The following FAM199X variants were observed in gnomAD, a reference collection of about 807,000 sequenced individuals.
FAM199X encodes the protein protein FAM199X.
A neutral mutation model predicts 22.9 loss-of-function variants in FAM199X; 4 were observed. That is an observed-to-expected ratio of 0.17 (90% CI 0.09 to 0.40). The LOEUF is 0.40. FAM199X is among the 10% of genes least tolerant of loss of function. The probability of loss-of-function intolerance (pLI) is 1.00; values close to 1 mark genes in which losing one functional copy is unlikely to be tolerated. For synonymous variants in FAM199X, 101 were observed against 112.3 expected, an observed-to-expected ratio of 0.90 and a Z score of 0.64; for missense variants, 183 against 306.8, an observed-to-expected ratio of 0.60 and a Z score of 3.01.
In FAM199X at chrX:104,166,514, G is replaced by T. The variant is rs1270767857; in HGVS notation, c.-272G>T. On this transcript the variant is annotated 5_prime_UTR_variant, in exon 1 of 6. Transcript: ENST00000493442. ...TGGCCGGGCCGGGCGGCGGCGCTGC[G>T]CTGACGGGCTGAGTCTGGCGGCGGC... 9.8e-6 allele frequency: 2 copies of T among 205,102 alleles called. No individual in the cohort carries two copies. Among genetic ancestry groups the T allele is most frequent in the Non-Finnish European group, 1.8e-5 (2 of 112,294 alleles). 16.9% of individuals were successfully genotyped at this position (205,102 alleles called of 1,213,427 possible).
intron 1 of FAM199X, among the ~76,000 whole-genome samples, chrX:104,171,237 T>C (rs1921344928): frequency 1.8e-5 from 2 of 111,456 alleles, no homozygotes; most frequent in African/African-American, 6.5e-5. Context: ...CTGAAACACC[T>C]TGCAGAGAAA....
In FAM199X at chrX:104,194,597, T is replaced by C. The variant is rs1388230507; in HGVS notation, c.*4819T>C. 2.7e-5 allele frequency: 3 copies of C among 112,075 alleles called. No homozygotes were observed. Among genetic ancestry groups the C allele is most frequent in the African/African-American group, 9.7e-5 (3 of 30,942 alleles). The allele number at this position is 112,075 out of a possible 1,213,427, so 9.2% of individuals were successfully genotyped here. On this transcript the variant is annotated 3_prime_UTR_variant, in exon 6 of 6. Transcript: ENST00000493442. ...AATGTCTGTTCCTGTAGTGGATCCA[T>C]TTAATTTCCTATTTGAGTACTCTCA...
At chrX:104,174,747 A>G (rs1297468291) in intron 1 of FAM199X, among the ~76,000 whole-genome samples, 1 of 111,994 alleles carries the variant, frequency 8.9e-6, no homozygotes, top group Non-Finnish European at 1.9e-5. Context: ...ACTAAAATAT[A>G]TATACACAGA....
At chrX:104,184,217 G>A (rs1921737525) in intron 2 of FAM199X, among the ~76,000 whole-genome samples, 1 of 112,281 alleles carries the variant, frequency 8.9e-6, no homozygotes, top group African/African-American at 3.2e-5. Context: ...CTATTATACT[G>A]CTGTGTACAA....
At chrX:104,164,875 G>C (rs1054956052), upstream of FAM199X, among the ~76,000 whole-genome samples, 1 of 111,336 alleles carries the variant, frequency 9.0e-6, no homozygotes, top group Non-Finnish European at 1.9e-5. Flanking sequence ...GCAAGACTCT[G>C]TCTCAAAAAA....
upstream of FAM199X, among the ~76,000 whole-genome samples, chrX:104,163,095 TAC>T (rs35140355): frequency 0.057 from 5,426 of 95,195 alleles, 168 homozygotes; most frequent in African/African-American, 0.086. Flanking sequence ...CTCAGCTAAA[TAC>T]ACACACACAC....
intron 1 of FAM199X, among the ~76,000 whole-genome samples, chrX:104,174,470 A>G (rs1248301203): frequency 1.8e-5 from 2 of 111,431 alleles, no homozygotes; most frequent in Non-Finnish European, 3.8e-5. Context: ...ATCCTTAGAA[A>G]TGTTCATATT....
Position 104,194,708 on chromosome X carries a change from C to G in FAM199X, c.*4930C>G, listed in dbSNP as rs1339450362. On this transcript the variant is annotated 3_prime_UTR_variant, in exon 6 of 6. Coordinates refer to ENST00000493442, the MANE Select transcript of FAM199X (RefSeq NM_207318.4). ...GCTATTAATGGTAAACAAGTATATGCAAAACAATTCACATATGGGTAAAAA... is the reference window on the plus strand; with the variant it reads ...GCTATTAATGGTAAACAAGTATATGGAAAACAATTCACATATGGGTAAAAA... The G allele has an allele frequency of 3.6e-5, 4 of 111,915 alleles. No homozygotes were observed. The highest frequency in any genetic ancestry group is 1.3e-4 in the African/African-American group (4 of 30,898). The allele number at this position is 111,915 out of a possible 1,213,427, so 9.2% of individuals were successfully genotyped here.
At chrX:104,167,707 GACTT>G in intron 1 of FAM199X, among the ~76,000 whole-genome samples, 2 of 111,255 alleles carry the variant, frequency 1.8e-5, no homozygotes, top group East Asian at 5.6e-4. Flanking sequence ...AGGATGGACT[GACTT>G]ACACAAATTT....
At chrX:104,167,405 T>C (rs1164822767) in intron 1 of FAM199X, among the ~76,000 whole-genome samples, 2 of 109,638 alleles carry the variant, frequency 1.8e-5, no homozygotes, top group African/African-American at 6.6e-5. Context: ...TCCATAGATC[T>C]TTTGAAAAGT....
At chrX:104,173,883 A>G (rs1451211768) in intron 1 of FAM199X, among the ~76,000 whole-genome samples, 1 of 112,551 alleles carries the variant, frequency 8.9e-6, no homozygotes, top group Non-Finnish European at 1.9e-5. Context: ...AAAATTAGTA[A>G]TGAAAATATT....
At position 104,166,832 on chromosome X, in the gene FAM199X, C is replaced by A. The variant is rs1921208081; in HGVS notation, c.47C>A (p.Thr16Asn). The change falls in exon 1 of 6, where the codon ACC (threonine) becomes AAC (asparagine). Residue 16 changes from threonine (T) to asparagine (N), a missense_variant. This residue lies in a region of FAM199X where 55 missense variants were observed against 60.6 expected (regional missense o/e 0.91). Coordinates refer to ENST00000493442, the MANE Select transcript of FAM199X (RefSeq NM_207318.4). ...ATCACTTCCTACGAGAAGTTTCTAA[C>A]CCCCGAGGAGCCCTTCCCACTCCTG... ...SAITSYEKFL[T>N]PEEPFPLLGP... 2 of 1,208,099 alleles carry A rather than the reference C, an allele frequency of 1.7e-6. No individual in the cohort carries two copies.
Position 104,175,961 on chromosome X carries a change from A to G in FAM199X, c.417+119A>G. On this transcript the variant is annotated intron_variant, in intron 2 of 5. Coordinates refer to ENST00000493442, the MANE Select transcript of FAM199X (RefSeq NM_207318.4). ...TTCTCTAATGTTTATCCAGTCCTGG[A>G]GATTCTCTGACATGTTTTAAGGTTA... 6.2e-6 allele frequency: 3 copies of G among 481,783 alleles called. No homozygotes were observed. In the East Asian group the frequency reaches 1.1e-4, roughly 18 times the overall value. 39.7% of individuals were successfully genotyped at this position (481,783 alleles called of 1,213,427 possible).
chrX:104,169,719 C>A (rs1921304799), intron 1 of FAM199X, among the ~76,000 whole-genome samples: 1 of 111,939 alleles, frequency 8.9e-6, no homozygotes, highest in Non-Finnish European at 1.9e-5. Flanking sequence ...AGGCGTGTAC[C>A]ACTATGCCTG....
In FAM199X at chrX:104,195,410, CTTAT is replaced by C. The variant is rs782088147; in HGVS notation, c.*5635_*5638del. 118 of 111,107 alleles carry C rather than the reference CTTAT, an allele frequency of 1.1e-3. 1 individual carries two copies. The highest frequency in any genetic ancestry group is 3.5e-3 in the African/African-American group (106 of 30,623). The allele number at this position is 111,107 out of a possible 1,213,427, so 9.2% of individuals were successfully genotyped here. A position where few individuals can be genotyped will look rare whatever the true frequency, so the allele number is the denominator to read the frequency against. On this transcript the variant is annotated 3_prime_UTR_variant, in exon 6 of 6. Transcript: ENST00000493442. Reference sequence around the variant, plus strand: ...AGATACCCAAATGTCATTGGCAAAACTTATTTTTTTTTCTGGACAGATCAGATTT... The same window carrying C: ...AGATACCCAAATGTCATTGGCAAAACTTTTTTTTCTGGACAGATCAGATTT...
In FAM199X at chrX:104,192,286, G is replaced by C. The variant is rs782286325; in HGVS notation, c.*2508G>C. The C allele has an allele frequency of 6.3e-5, 7 of 111,471 alleles. No homozygotes were observed. The highest frequency in any genetic ancestry group is 2.3e-4 in the African/African-American group (7 of 30,841). The allele number at this position is 111,471 out of a possible 1,213,427, so 9.2% of individuals were successfully genotyped here. A position where few individuals can be genotyped will look rare whatever the true frequency, so the allele number is the denominator to read the frequency against. On this transcript the variant is annotated 3_prime_UTR_variant, in exon 6 of 6. Transcript: ENST00000493442. ...AATTTATTCAATATGGTGTATCTCTGAGTTCAATTTAAAACAATCCAACTC... is the reference window on the plus strand; with the variant it reads ...AATTTATTCAATATGGTGTATCTCTCAGTTCAATTTAAAACAATCCAACTC...
chrX:104,181,952 C>G (rs1033721729), intron 2 of FAM199X, among the ~76,000 whole-genome samples: 1 of 109,289 alleles, frequency 9.2e-6, no homozygotes, highest in Admixed American at 9.7e-5. Flanking sequence ...ATTCAGTTAT[C>G]AAACAGCTTT....
At chrX:104,185,044 G>A (rs1440275763) in intron 2 of FAM199X, among the ~76,000 whole-genome samples, 1 of 103,320 alleles carries the variant, frequency 9.7e-6, no homozygotes, top group East Asian at 3.0e-4. Flanking sequence ...GCAAAATGCT[G>A]GAATTACAGG....
chrX:104,190,837 C>G lies in FAM199X; in HGVS notation c.*1059C>G, dbSNP rs920346598. 1 of 111,868 alleles carries G rather than the reference C, an allele frequency of 8.9e-6. No homozygotes were observed. The highest frequency in any genetic ancestry group is 3.2e-5 in the African/African-American group (1 of 30,817). 9.2% of individuals were successfully genotyped at this position (111,868 alleles called of 1,213,427 possible). A position where few individuals can be genotyped will look rare whatever the true frequency, so the allele number is the denominator to read the frequency against. On this transcript the variant is annotated 3_prime_UTR_variant, in exon 6 of 6. Coordinates refer to ENST00000493442, the MANE Select transcript of FAM199X (RefSeq NM_207318.4). Reference sequence around the variant, plus strand: ...TATAAATTGCTAGAAATATACAGAGCAATGAGATATAGAAAACACCTTAGC... The same window carrying G: ...TATAAATTGCTAGAAATATACAGAGGAATGAGATATAGAAAACACCTTAGC...
Sources: allele counts gnomAD v4.1 joint callset (sites outside exome capture counted in the v4.1 genomes callset), GRCh38; gene constraint gnomAD v4.1.1; regional missense constraint gnomAD v4.1.1; transcripts MANE v1.5; gene names NCBI Gene and HGNC (gene_info 2026-07-23, HGNC 2026-07-21).